Variants in IQCH observed in about 807,000 individuals in gnomAD.
IQCH encodes IQ motif containing H, also known as IQ domain-containing protein H.
In IQCH, 98 loss-of-function variants were observed where a neutral mutation model predicts 117.0. The ratio of observed to expected loss-of-function variants is 0.84; its 90% CI spans 0.71 to 0.99. The LOEUF is 0.99. Ranked by LOEUF, IQCH falls within the 50% of genes least tolerant of loss-of-function variation. IQCH has a pLI of 0.00. For synonymous variants in IQCH, 412 were observed against 448.2 expected (o/e 0.92, Z 1.02); for missense variants, 1,102 against 1,243.8 (o/e 0.89, Z 1.72).
chr15:67,346,525 C>T (rs941324897), intron 6 of IQCH, among the ~76,000 whole-genome samples: 3 of 152,160 alleles, frequency 2.0e-5, no homozygotes, highest in African/African-American at 7.2e-5. Context: ...GGTTCTTGCT[C>T]CTATGAAAAT....
chr15:67,461,691 CAG>C (rs1567208398), intron 16 of IQCH, among the ~76,000 whole-genome samples: 1 of 152,208 alleles, frequency 6.6e-6, no homozygotes, highest in Non-Finnish European at 1.5e-5. Flanking sequence ...GCTCTAGAAA[CAG>C]AGTTCTGGTT....
intron 10 of IQCH, among the ~76,000 whole-genome samples, chr15:67,378,447 T>C (rs1400818229): frequency 2.0e-5 from 3 of 148,054 alleles, no homozygotes; most frequent in Non-Finnish European, 4.5e-5. Context: ...TTAGCTATGG[T>C]GTTGCCATAC....
rs1051038565 is a variant in IQCH, at chr15:67,364,263, G to A, written c.753+4378G>A. Among the ~76,000 whole-genome samples, 1 of 152,108 alleles carries A rather than the reference G, an allele frequency of 6.6e-6. No homozygotes were observed. Among genetic ancestry groups the A allele is most frequent in the African/African-American group, 2.4e-5 (1 of 41,422 alleles). ...ATAATAGTCATTCTGACTGGTATGAGATGGTATCTCATTGTGGTTTTGATT... is the reference window on the plus strand; with the variant it reads ...ATAATAGTCATTCTGACTGGTATGAAATGGTATCTCATTGTGGTTTTGATT... On this transcript the variant is annotated intron_variant, in intron 8 of 20. Coordinates refer to ENST00000335894, the MANE Select transcript of IQCH (RefSeq NM_001031715.3). The surrounding 1 kb of genome is among the most constrained non-coding windows in gnomAD (Gnocchi z 4.1).
chr15:67,292,558 T>C (rs1966788038), intron 4 of IQCH, among the ~76,000 whole-genome samples: 1 of 152,168 alleles, frequency 6.6e-6, no homozygotes, highest in South Asian at 2.1e-4. Context: ...GGCTTCATTA[T>C]AGCAGCCCAA....
At position 67,467,922 on chromosome 15, in the gene IQCH, G is replaced by C. The variant is rs930549455; in HGVS notation, c.2676+2625G>C. Among the ~76,000 whole-genome samples, 2 of 152,034 alleles carry C rather than the reference G, an allele frequency of 1.3e-5. No individual in the cohort carries two copies. Among genetic ancestry groups the C allele is most frequent in the Admixed American group, 1.3e-4 (2 of 15,258 alleles). On this transcript the variant is annotated intron_variant, in intron 17 of 20. Coordinates refer to ENST00000335894, the MANE Select transcript of IQCH (RefSeq NM_001031715.3). This position sits in a 1 kb window ranked among gnomAD's most constrained non-coding sequence, Gnocchi z 5.7. ...TAGAAGGAAAGCAAACACCTTCCTG[G>C]GCTCTCAGAAGAGCTGTTGTCTCAT...
intron 4 of IQCH, among the ~76,000 whole-genome samples, chr15:67,298,178 G>A (rs1012217824): frequency 1.3e-5 from 2 of 150,942 alleles, no homozygotes; most frequent in South Asian, 2.1e-4. Flanking sequence ...GTGTGGTGTC[G>A]TAGCCTGTAA....
At position 67,395,498 on chromosome 15, in the gene IQCH, C is replaced by A; in HGVS notation, c.1840C>A (p.Arg614Ser). Residue 614 changes from arginine (R) to serine (S), a missense_variant, in exon 13 of 21, where the codon CGT becomes AGT. Physicochemically the swap from Arg to Ser is moderately radical, Grantham distance 110 (BLOSUM62 -1). Coordinates refer to ENST00000335894, the MANE Select transcript of IQCH (RefSeq NM_001031715.3). This position sits in a 1 kb window ranked among gnomAD's most constrained non-coding sequence, Gnocchi z 4.0. ...HLYSTKSGGK[R>S]VFDSANVAVP... is the part of the protein sequence containing the mutation. ...TTATAGTACCAAATCTGGAGGCAAA[C>A]GTGTCTTTGACAGTGCCAATGTGGC... 1 of 1,613,992 alleles carries A rather than the reference C, an allele frequency of 6.2e-7. No individual in the cohort carries two copies. The highest frequency in any genetic ancestry group is 8.5e-7 in the Non-Finnish European group (1 of 1,179,950).
chr15:67,304,384 A>G (rs745987375), intron 4 of IQCH: 22 of 1,534,948 alleles, frequency 1.4e-5, no homozygotes, highest in Middle Eastern at 3.3e-4. Context: ...TCCTGAAAAC[A>G]TCCACCACAG....
At chr15:67,484,001 C>T (rs937150247) in intron 18 of IQCH, among the ~76,000 whole-genome samples, 4 of 152,180 alleles carry the variant, frequency 2.6e-5, no homozygotes, top group African/African-American at 9.7e-5. Flanking sequence ...CCAGTGGAGA[C>T]TTCAAAAGGA....
chr15:67,282,213 TG>T (rs1456220770), intron 4 of IQCH: 1 of 152,906 alleles, frequency 6.5e-6, no homozygotes, highest in Non-Finnish European at 1.5e-5. Context: ...TTTTTTTACC[TG>T]TTTGCCAAGA....
At chr15:67,283,033 T>C (rs2140482739) in intron 4 of IQCH, among the ~76,000 whole-genome samples, 1 of 152,312 alleles carries the variant, frequency 6.6e-6, no homozygotes, top group African/African-American at 2.4e-5. Context: ...GTAAGTAGTA[T>C]TGGAATATAA....
At chr15:67,267,590 T>C (rs1181346500) in intron 3 of IQCH, among the ~76,000 whole-genome samples, 1 of 152,218 alleles carries the variant, frequency 6.6e-6, no homozygotes, top group East Asian at 1.9e-4. Context: ...GCAGTCAGGC[T>C]AGCAGGAACT....
chr15:67,364,443 ATTTTTC>A lies in IQCH; in HGVS notation c.753+4561_753+4566del, dbSNP rs981990717. The stretch of plus-strand genomic sequence containing the variant: ...ATTTTTTTGAAATTCTTGTGGAACA[ATTTTTC>A]TTGTAATTACCGAGAAAAACTACAA... On this transcript the variant is annotated intron_variant, in intron 8 of 20. Transcript: ENST00000335894. The surrounding 1 kb of genome is among the most constrained non-coding windows in gnomAD (Gnocchi z 4.1). Among the ~76,000 whole-genome samples the A allele has an allele frequency of 4.6e-5, 7 of 151,972 alleles. No homozygotes were observed. The highest frequency in any genetic ancestry group is 1.7e-4 in the African/African-American group (7 of 41,410).
intron 18 of IQCH, among the ~76,000 whole-genome samples, chr15:67,477,549 A>C (rs1189419034): frequency 6.6e-6 from 1 of 152,206 alleles, no homozygotes; most frequent in Non-Finnish European, 1.5e-5. Context: ...ATTAAAATTG[A>C]TAAAGAGAGA....
chr15:67,461,413 C>T (rs903638709), intron 16 of IQCH, among the ~76,000 whole-genome samples: 4 of 152,180 alleles, frequency 2.6e-5, no homozygotes, highest in African/African-American at 9.7e-5. Context: ...GCGTGCCCTG[C>T]CCCAGACACG....
intron 10 of IQCH, among the ~76,000 whole-genome samples, chr15:67,378,785 G>A (rs1229513441): frequency 2.0e-5 from 3 of 151,958 alleles, no homozygotes; most frequent in African/African-American, 7.3e-5. Flanking sequence ...ATTAATATTA[G>A]GATATGCTGT....
chr15:67,322,038 A>G (rs565429831), intron 4 of IQCH, among the ~76,000 whole-genome samples: 1 of 152,332 alleles, frequency 6.6e-6, no homozygotes, highest in African/African-American at 2.4e-5. Flanking sequence ...TGTTCTACCA[A>G]TTACTGAGAA....
At chr15:67,455,795 A>T (rs2082645018) in intron 16 of IQCH, among the ~76,000 whole-genome samples, 1 of 152,236 alleles carries the variant, frequency 6.6e-6, no homozygotes, top group African/African-American at 2.4e-5. Context: ...TATAGCATGG[A>T]AATTAAAGAG....
At chr15:67,352,869 A>G (rs1392684465) in intron 6 of IQCH, among the ~76,000 whole-genome samples, 2 of 152,162 alleles carry the variant, frequency 1.3e-5, no homozygotes, top group Non-Finnish European at 2.9e-5. Flanking sequence ...CATTGTTTAT[A>G]TGCATTTAGT....
Sources: allele counts gnomAD v4.1 joint callset (sites outside exome capture counted in the v4.1 genomes callset), GRCh38; gene constraint gnomAD v4.1.1; non-coding constraint Gnocchi (gnomAD v3.1); transcripts MANE v1.5; gene names NCBI Gene and HGNC (gene_info 2026-07-23, HGNC 2026-07-21).